Variants in GUCY1A2 observed in about 807,000 individuals in gnomAD.
The protein encoded by GUCY1A2 is guanylate cyclase soluble subunit alpha-2.
Under a neutral mutation model 63.5 loss-of-function variants are expected in GUCY1A2, and 27 were observed. The observed-to-expected ratio is 0.43, with a 90% CI of 0.31 to 0.59. The LOEUF is 0.59. Among genes scored for constraint, GUCY1A2 ranks in the 20% least tolerant of loss-of-function variants. The pLI is 0.11. For synonymous variants in GUCY1A2, 364 were observed against 343.5 expected (o/e 1.06, Z -0.66); for missense variants, 768 against 913.3 (o/e 0.84, Z 2.05).
intron 4 of GUCY1A2, among the ~76,000 whole-genome samples, chr11:106,876,521 T>A (rs1859751518): frequency 6.6e-6 from 1 of 152,094 alleles, no homozygotes; most frequent in Admixed American, 6.6e-5. Context: ...CGATTCTCCC[T>A]GCCATCAAAC....
At chr11:106,861,062 A>C (rs1859505050) in intron 4 of GUCY1A2, among the ~76,000 whole-genome samples, 1 of 151,892 alleles carries the variant, frequency 6.6e-6, no homozygotes, top group Non-Finnish European at 1.5e-5. Context: ...TATCCTCCTG[A>C]GTCTCCTTGA....
chr11:106,800,883 AT>A, intron 5 of GUCY1A2, among the ~76,000 whole-genome samples: 1 of 151,470 alleles, frequency 6.6e-6, no homozygotes, highest in East Asian at 1.9e-4. Context: ...AACTTAAAGT[AT>A]AAAAAAAAAA....
chr11:106,834,840 G>C (rs890164644), intron 4 of GUCY1A2, among the ~76,000 whole-genome samples: 6 of 152,064 alleles, frequency 3.9e-5, no homozygotes, highest in South Asian at 2.1e-4. Flanking sequence ...TTAGCAGCAA[G>C]GAAGATAAGC....
chr11:106,937,973 T>C (rs1384300512), intron 4 of GUCY1A2, among the ~76,000 whole-genome samples: 1 of 152,084 alleles, frequency 6.6e-6, no homozygotes, highest in Non-Finnish European at 1.5e-5. Context: ...GTCTCACTCT[T>C]GTCACCCAGG....
intron 6 of GUCY1A2, among the ~76,000 whole-genome samples, chr11:106,744,372 GAGT>G (rs1266213855): frequency 6.6e-6 from 1 of 150,478 alleles, no homozygotes; most frequent in Non-Finnish European, 1.5e-5. Flanking sequence ...TCAGCCTCCT[GAGT>G]AGCTGGGACT....
intron 6 of GUCY1A2, among the ~76,000 whole-genome samples, chr11:106,724,562 CA>C (rs1863372005): frequency 6.6e-6 from 1 of 152,132 alleles, no homozygotes; most frequent in Non-Finnish European, 1.5e-5. Context: ...ACTGGGTTAT[CA>C]AGGCTTTTTA....
chr11:106,878,184 T>G (rs942666614), intron 4 of GUCY1A2, among the ~76,000 whole-genome samples: 10 of 151,844 alleles, frequency 6.6e-5, no homozygotes, highest in Non-Finnish European at 1.3e-4. Flanking sequence ...TGAGTGGGAG[T>G]GTAAATCAGT....
intron 6 of GUCY1A2, among the ~76,000 whole-genome samples, chr11:106,773,681 A>C (rs962053980): frequency 2.0e-5 from 3 of 152,218 alleles, no homozygotes; most frequent in Non-Finnish European, 2.9e-5. Context: ...TGGCACTGTC[A>C]GACTTTCAAA....
chr11:106,888,897 G>T (rs59723102), intron 4 of GUCY1A2, among the ~76,000 whole-genome samples: 3,656 of 152,102 alleles, frequency 0.024, 139 homozygotes, highest in African/African-American at 0.082. Context: ...GAAGACCAGG[G>T]AGAGCTATAG....
intron 4 of GUCY1A2, among the ~76,000 whole-genome samples, chr11:106,916,246 T>G (rs1176141308): frequency 6.9e-6 from 1 of 145,742 alleles, no homozygotes; most frequent in Non-Finnish European, 1.5e-5. Flanking sequence ...ATATCAATCC[T>G]GTCTATTAGT....
intron 6 of GUCY1A2, among the ~76,000 whole-genome samples, chr11:106,709,269 TTATA>T (rs1197471667): frequency 1.1e-5 from 1 of 90,872 alleles, no homozygotes; most frequent in Admixed American, 1.7e-4. Flanking sequence ...ATAAATATAT[TTATA>T]TATATAAATT....
At chr11:106,716,229 C>A (rs755564436) in intron 6 of GUCY1A2, among the ~76,000 whole-genome samples, 1 of 152,164 alleles carries the variant, frequency 6.6e-6, no homozygotes, top group Non-Finnish European at 1.5e-5. Context: ...TGCCCCACAG[C>A]AGATCATATA....
chr11:106,853,750 C>T (rs895606887), intron 4 of GUCY1A2, among the ~76,000 whole-genome samples: 6 of 152,208 alleles, frequency 3.9e-5, no homozygotes, highest in African/African-American at 1.4e-4. Flanking sequence ...ACCTCTGCAT[C>T]TGTCTTAATA....
intron 3 of GUCY1A2, among the ~76,000 whole-genome samples, chr11:106,944,343 G>A (rs1218826515): frequency 6.6e-6 from 1 of 151,908 alleles, no homozygotes; most frequent in Non-Finnish European, 1.5e-5. Flanking sequence ...CTACTCTGGA[G>A]GCTGAGGTGG....
intron 4 of GUCY1A2, among the ~76,000 whole-genome samples, chr11:106,920,595 GATTAAAC>G (rs1417765711): frequency 6.6e-6 from 1 of 151,938 alleles, no homozygotes; most frequent in African/African-American, 2.4e-5. Flanking sequence ...ATGTTTAATG[GATTAAAC>G]ATTTCCATTT....
chr11:106,765,674 G>A (rs561005063), intron 6 of GUCY1A2, among the ~76,000 whole-genome samples: 8 of 152,156 alleles, frequency 5.3e-5, no homozygotes, highest in South Asian at 2.1e-4. Flanking sequence ...TGCATACTCC[G>A]GACCTGTGTT....
At position 106,993,586 on chromosome 11, in the gene GUCY1A2, A is replaced by G. The variant is rs533174555; in HGVS notation, c.304-7455T>C. On this transcript the variant is annotated intron_variant, in intron 1 of 7. Transcript: ENST00000526355. Reference sequence around the variant, plus strand: ...TATAGAACTTTGAGTCAGGACCTCTATATTACAAATCCAGCTGTGCTACTG... The same window carrying G: ...TATAGAACTTTGAGTCAGGACCTCTGTATTACAAATCCAGCTGTGCTACTG... Among the ~76,000 whole-genome samples the G allele has an allele frequency of 1.6e-4, 25 of 152,282 alleles. No homozygotes were observed. In the South Asian group the frequency reaches 2.5e-3, roughly 15 times the overall value.
chr11:106,926,330 C>T (rs551848431), intron 4 of GUCY1A2, among the ~76,000 whole-genome samples: 8 of 151,428 alleles, frequency 5.3e-5, no homozygotes, highest in Admixed American at 1.3e-4. Context: ...CCCAGCTACC[C>T]GGGAGGCTGA....
intron 4 of GUCY1A2, among the ~76,000 whole-genome samples, chr11:106,829,703 G>C (rs561337633): frequency 2.6e-5 from 4 of 152,258 alleles, no homozygotes; most frequent in Admixed American, 2.6e-4. Context: ...TGTTTGGTTG[G>C]GGTGACTGAC....
Sources: gnomAD v4.1 joint callset for allele counts (sites outside exome capture counted in the v4.1 genomes callset) on GRCh38, gnomAD v4.1.1 for gene constraint, MANE v1.5 for transcripts, NCBI Gene and HGNC (gene_info 2026-07-23, HGNC 2026-07-21) for gene names.